Variants in PLCB3 observed in about 807,000 individuals in gnomAD.
The protein encoded by PLCB3 is phospholipase C beta 3.
PLCB3 carries 54 observed loss-of-function variants against 152.1 expected under a neutral mutation model. The observed-to-expected ratio is 0.36, with a 90% CI of 0.29 to 0.45. The LOEUF (loss-of-function observed/expected upper bound fraction) is 0.45. Among genes scored for constraint, PLCB3 ranks in the 20% least tolerant of loss-of-function variants. The pLI, the probability that PLCB3 is intolerant of heterozygous loss-of-function variation, is 1.00. For missense variants in PLCB3, 1,248 were observed against 1,687.5 expected (o/e 0.74, Z 4.56); for synonymous variants, 717 against 698.7 (o/e 1.03, Z -0.41).
At chr11:64,264,880 AG>A (rs1405230743) in intron 22 of PLCB3, 70 bp from the exon 23 acceptor site, 1 of 1,479,330 alleles carries the variant, frequency 6.8e-7, no homozygotes, top group African/African-American at 1.4e-5. Flanking sequence ...GGGACCCAGG[AG>A]GTGGTAGAGG....
Position 64,256,630 on chromosome 11 carries a change from T to C in PLCB3, c.878T>C (p.Met293Thr). ...TCTCCCACCCCAGACCAGATGTCCATGGAGGGCTTTAGCCGCTACCTGGGA... is the reference window on the plus strand; with the variant it reads ...TCTCCCACCCCAGACCAGATGTCCACGGAGGGCTTTAGCCGCTACCTGGGA... The part of the protein sequence containing the change: ...QQFLERDQMS[M>T]EGFSRYLGGE... The change falls in exon 10 of 31, where the codon ATG becomes ACG. Residue 293 changes from methionine (M) to threonine (T), a missense_variant. This residue lies in a region of PLCB3 where 299 missense variants were observed against 434.7 expected (regional missense o/e 0.69). Transcript: ENST00000279230. The C allele has an allele frequency of 8.7e-6, 14 of 1,614,132 alleles. No homozygotes were observed. The highest frequency in any genetic ancestry group is 1.2e-5 in the Non-Finnish European group (14 of 1,180,012).
rs1192862173 is a variant in PLCB3, at chr11:64,258,536, G to A, written c.1076G>A (p.Arg359His). ...MYRQALLWGC[R>H]CVELDVWKGR... ...CGCCAGGCACTACTATGGGGCTGCC[G>A]CTGCGTGGAGCTGGACGTGTGGAAG... The change falls in exon 11 of 31, where the codon CGC becomes CAC. Residue 359 changes from arginine (R) to histidine (H), a missense_variant. Physicochemically the swap from Arg to His is conservative, Grantham distance 29. This residue lies in a region of PLCB3 where 122 missense variants were observed against 221.8 expected (regional missense o/e 0.55). Transcript: ENST00000279230. This position sits in a 1 kb window ranked among gnomAD's most constrained non-coding sequence, Gnocchi z 7.2. 1.9e-6 allele frequency: 3 copies of A among 1,613,832 alleles called. No individual in the cohort carries two copies. The highest frequency in any genetic ancestry group is 1.7e-6 in the Non-Finnish European group (2 of 1,179,964).
At chr11:64,260,911 T>C (rs974166038) in intron 14 of PLCB3, among the ~76,000 whole-genome samples, 1 of 152,186 alleles carries the variant, frequency 6.6e-6, no homozygotes, top group Non-Finnish European at 1.5e-5. Context: ...ATTGGAGTTA[T>C]AGAAGAGAAT....
Position 64,262,393 on chromosome 11 carries a change from C to T in PLCB3, c.2039-14C>T. 2 of 1,608,938 alleles carry T rather than the reference C, an allele frequency of 1.2e-6. No homozygotes were observed. The highest frequency in any genetic ancestry group is 8.5e-7 in the Non-Finnish European group (1 of 1,176,204). On this transcript the variant is annotated splice_polypyrimidine_tract_variant and intron_variant, in intron 17 of 30. Transcript: ENST00000279230. ...TGATCCCTGCCCCTGCTCGACGTGC[C>T]CGTGGCACCCCAGATGTGGCGATGC...
rs558198630 is a variant in PLCB3 at position 64,262,256 on chromosome 11, C to G, written c.2039-151C>G. Reference sequence around the variant, plus strand: ...GGCTGATACCAGACCCCTCCCCTGTCTGATCTGTCCTGGATCCGGACCCTG... The same window carrying G: ...GGCTGATACCAGACCCCTCCCCTGTGTGATCTGTCCTGGATCCGGACCCTG... On this transcript the variant is annotated intron_variant, in intron 17 of 30. Transcript: ENST00000279230. 23 of 1,256,400 alleles carry G rather than the reference C, an allele frequency of 1.8e-5. No homozygotes were observed. Among genetic ancestry groups the G allele is most frequent in the Middle Eastern group, 1.9e-4 (1 of 5,220 alleles). The allele number at this position is 1,256,400 out of a possible 1,614,324, so 77.8% of individuals were successfully genotyped here.
At position 64,266,011 on chromosome 11, in the gene PLCB3, C is replaced by G. The variant is rs1425898333; in HGVS notation, c.3161C>G (p.Ala1054Gly). The G allele has an allele frequency of 6.2e-7, 1 of 1,614,020 alleles. No homozygotes were observed. The highest frequency in any genetic ancestry group is 1.3e-5 in the African/African-American group (1 of 75,026). ...CGGGAGGCCCAGGTGGACGCAGAGGCCCAGCGGAGGCTGGAACACCTGAGA... is the reference window on the plus strand; with the variant it reads ...CGGGAGGCCCAGGTGGACGCAGAGGGCCAGCGGAGGCTGGAACACCTGAGA... ...ELREAQVDAEAQRRLEHLRQA... is the reference protein window; with the variant it reads ...ELREAQVDAEGQRRLEHLRQA... The change falls in exon 26 of 31, where the codon GCC becomes GGC. Residue 1054 changes from alanine (A) to glycine (G), a missense_variant. This residue lies in a region of PLCB3 where 477 missense variants were observed against 489.6 expected (regional missense o/e 0.97). Coordinates refer to ENST00000279230, the MANE Select transcript of PLCB3 (RefSeq NM_000932.5). The surrounding 1 kb of genome is among the most constrained non-coding windows in gnomAD (Gnocchi z 4.9).
In PLCB3 at chr11:64,259,104, G is replaced by T; in HGVS notation, c.1385G>T (p.Arg462Leu). ...CCCAGCCCCCAGGACCTGATGGGCC[G>T]TATCCTGGTGAAGAACAAGAAGCGG... The part of the protein sequence containing the change: ...PLPSPQDLMG[R>L]ILVKNKKRHR... Residue 462 changes from arginine to leucine, a missense_variant, in exon 13 of 31, where the codon CGT (arginine) becomes CTT (leucine). This residue lies in a region of PLCB3 where 122 missense variants were observed against 221.8 expected (regional missense o/e 0.55). Coordinates refer to ENST00000279230, the MANE Select transcript of PLCB3 (RefSeq NM_000932.5). 1 of 1,612,298 alleles carries T rather than the reference G, an allele frequency of 6.2e-7. No individual in the cohort carries two copies. Among genetic ancestry groups the T allele is most frequent in the Non-Finnish European group, 8.5e-7 (1 of 1,179,432 alleles).
chr11:64,263,626 C>T, intron 20 of PLCB3, 29 bp downstream of exon 20: 3 of 1,606,240 alleles, frequency 1.9e-6, no homozygotes, highest in South Asian at 2.2e-5. Flanking sequence ...CTGGGCAGCA[C>T]AGCGGGCAGT....
rs371589866 is a variant in PLCB3, at chr11:64,261,940, C to T, written c.1914-12C>T. On this transcript the variant is annotated splice_polypyrimidine_tract_variant and intron_variant, in intron 16 of 30. Coordinates refer to ENST00000279230, the MANE Select transcript of PLCB3 (RefSeq NM_000932.5). ...CCCTGGCACCTGTGTGGCCCCTGAC[C>T]ACCAATCTCAGATACAACAAGCAGC... 124 of 1,613,998 alleles carry T rather than the reference C, an allele frequency of 7.7e-5. 1 individual carries two copies. In the Middle Eastern group the frequency reaches 8.3e-4, roughly 11 times the overall value.
Position 64,254,733 on chromosome 11 carries a change from T to A in PLCB3, c.178-15T>A, listed in dbSNP as rs1419724763. On this transcript the variant is annotated splice_polypyrimidine_tract_variant and intron_variant, in intron 2 of 30. Transcript: ENST00000279230. ...GCAGCCTCTCATACTCAGCCTGGCA[T>A]CTGGTTCCCCCCAGGAGGTGGACAC... The A allele has an allele frequency of 6.2e-7, 1 of 1,612,032 alleles. No homozygotes were observed. Among genetic ancestry groups the A allele is most frequent in the South Asian group, 1.1e-5 (1 of 91,018 alleles).
At chr11:64,262,219 C>A in intron 17 of PLCB3, 143 bp downstream of exon 17, 2 of 1,338,938 alleles carry the variant, frequency 1.5e-6, no homozygotes, top group Non-Finnish European at 2.1e-6. Flanking sequence ...ACTCACCCCG[C>A]CTCCTGCCCT....
rs766960340 is a variant in PLCB3, at chr11:64,266,298, C to G, written c.3267-17C>G. ...TTCTGCCGCTGACCCCTCCTCTTCC[C>G]CTGCCGGCTTCTCCAGGGAGAAGAA... On this transcript the variant is annotated splice_polypyrimidine_tract_variant and intron_variant, in intron 27 of 30. Coordinates refer to ENST00000279230, the MANE Select transcript of PLCB3 (RefSeq NM_000932.5). The surrounding 1 kb of genome is among the most constrained non-coding windows in gnomAD (Gnocchi z 4.9). 2.5e-6 allele frequency: 4 copies of G among 1,613,560 alleles called. No homozygotes were observed. The highest frequency in any genetic ancestry group is 3.4e-6 in the Non-Finnish European group (4 of 1,179,920).
At chr11:64,257,878 G>C (rs1398490586) in intron 10 of PLCB3, among the ~76,000 whole-genome samples, 1 of 152,146 alleles carries the variant, frequency 6.6e-6, no homozygotes, top group Admixed American at 6.5e-5. Flanking sequence ...TTGAGGCCAG[G>C]CACAGTGGTT....
At chr11:64,260,849 A>G (rs3020775) in intron 14 of PLCB3, among the ~76,000 whole-genome samples, 6 of 151,346 alleles carry the variant, frequency 4.0e-5, no homozygotes, top group Admixed American at 1.3e-4. Flanking sequence ...TTAAAGATGG[A>G]CTACATATTA....
rs777291186 is a variant in PLCB3 at position 64,255,767 on chromosome 11, G to A, written c.644G>A (p.Arg215Gln). The A allele has an allele frequency of 1.1e-5, 18 of 1,613,994 alleles. No homozygotes were observed. Among genetic ancestry groups the A allele is most frequent in the East Asian group, 2.2e-5 (1 of 44,894 alleles). ...PDEFSLEIFE[R>Q]FLNKLCLRPD... is the part of the protein sequence containing the mutation. ...GAGTTTTCCTTGGAAATCTTTGAGC[G>A]GTTCCTGAACAAGCTGTGTCTGCGG... is the stretch of plus-strand genomic sequence containing the variant. Residue 215 changes from arginine to glutamine, a missense_variant, in exon 8 of 31, where the codon CGG becomes CAG. Coordinates refer to ENST00000279230, the MANE Select transcript of PLCB3 (RefSeq NM_000932.5). This position sits in a 1 kb window ranked among gnomAD's most constrained non-coding sequence, Gnocchi z 6.8.
In PLCB3 at chr11:64,260,063, C is replaced by G; in HGVS notation, c.1560C>G (p.Ser520Arg). 6.2e-7 allele frequency: 1 copy of G among 1,611,972 alleles called. No individual in the cohort carries two copies. The highest frequency in any genetic ancestry group is 1.1e-5 in the South Asian group (1 of 90,812). Residue 520 changes from serine to arginine, a missense_variant, in exon 14 of 31, where the codon AGC (serine) becomes AGG (arginine). This residue lies in a region of PLCB3 where 105 missense variants were observed against 100.9 expected (regional missense o/e 1.04). Coordinates refer to ENST00000279230, the MANE Select transcript of PLCB3 (RefSeq NM_000932.5). The part of the protein sequence containing the change: ...SPSSDSCPGL[S>R]NGEEVGLEKP... ...GCTCTGACAGCTGCCCAGGCCTGAG[C>G]AATGGGGAGGAGGTAGGGCTTGAGA...
At chr11:64,257,609 G>A (rs1479791415) in intron 10 of PLCB3, among the ~76,000 whole-genome samples, 2 of 150,290 alleles carry the variant, frequency 1.3e-5, no homozygotes, top group Non-Finnish European at 3.0e-5. Context: ...CAGAGTGAGA[G>A]ACCCTTTTCT....
In PLCB3 at chr11:64,255,615, G is replaced by T; in HGVS notation, c.596G>T (p.Arg199Leu). ...GAATCCTGTGGCCTCAAATTCAACC[G>T]GGTGTGTGGGGTGGGGACAGGGGCG... is the stretch of plus-strand genomic sequence containing the variant. Reference protein sequence around the residue: ...ALESCGLKFNRSESIRPDEFS... With the variant: ...ALESCGLKFNLSESIRPDEFS... The change falls in exon 7 of 31, where the codon CGG becomes CTG. Residue 199 changes from arginine (R) to leucine (L), a missense_variant and splice_region_variant. By Grantham distance (102) the Arg-to-Leu change is moderately radical. This residue lies in a region of PLCB3 where 299 missense variants were observed against 434.7 expected (regional missense o/e 0.69). Transcript: ENST00000279230. The surrounding 1 kb of genome is among the most constrained non-coding windows in gnomAD (Gnocchi z 6.8). 6.2e-7 allele frequency: 1 copy of T among 1,612,830 alleles called. No individual in the cohort carries two copies. The highest frequency in any genetic ancestry group is 1.3e-5 in the African/African-American group (1 of 74,970).
intron 14 of PLCB3, among the ~76,000 whole-genome samples, chr11:64,261,008 A>G (rs668503): frequency 0.96 from 146,764 of 152,224 alleles, 70,965 homozygotes; most frequent in Middle Eastern, 1. Flanking sequence ...AATGATAATT[A>G]TAACACCTAT....
Sources: allele counts gnomAD v4.1 joint callset (sites outside exome capture counted in the v4.1 genomes callset), GRCh38; gene constraint gnomAD v4.1.1; regional missense constraint gnomAD v4.1.1; non-coding constraint Gnocchi (gnomAD v3.1); transcripts MANE v1.5; gene names NCBI Gene and HGNC (gene_info 2026-07-23, HGNC 2026-07-21).